Variants in PCSK4 observed in about 807,000 individuals in gnomAD.
PCSK4 encodes the protein proprotein convertase subtilisin/kexin type 4.
In PCSK4, 64 loss-of-function variants were observed where a neutral mutation model predicts 80.3. That is an observed-to-expected ratio of 0.80 (90% CI 0.65 to 0.98). PCSK4 has a LOEUF of 0.98. PCSK4 is among the 50% of genes least tolerant of loss of function. The pLI is 0.00. For missense variants in PCSK4, 1,213 were observed against 1,093.6 expected (o/e 1.11, Z -1.54); for synonymous variants, 561 against 487.6 (o/e 1.15, Z -1.98).
At chr19:1,483,854 G>T in exon 10 of PCSK4, 1 of 1,495,088 alleles carries the variant, frequency 6.7e-7, no homozygotes, top group Non-Finnish European at 8.8e-7. Flanking sequence ...GCCCCACGCC[G>T]TTGGTCCTCC....
chr19:1,484,063 A>C, exon 9 of PCSK4: 2 of 1,562,914 alleles, frequency 1.3e-6, no homozygotes, highest in Middle Eastern at 3.5e-4. Context: ...GCCGGCCGCC[A>C]GTGGGGCTGA....
chr19:1,485,512 C>G (rs2084555677), intron 8 of PCSK4, among the ~76,000 whole-genome samples: 1 of 152,110 alleles, frequency 6.6e-6, no homozygotes, highest in South Asian at 2.1e-4. Flanking sequence ...TTGCAGTGAG[C>G]TGAGATCATG....
chr19:1,482,794 G>A (rs1220978816), intron 13 of PCSK4, 102 bp downstream of exon 13: 16 of 1,294,174 alleles, frequency 1.2e-5, no homozygotes, highest in Non-Finnish European at 1.5e-5. Context: ...GAAGGCCACT[G>A]GGAACCCCTT....
intron 3 of PCSK4, 40 bp from the exon 4 acceptor site, chr19:1,488,132 G>A: frequency 6.2e-7 from 1 of 1,613,084 alleles, no homozygotes; most frequent in Middle Eastern, 1.7e-4. Context: ...TGAGGGCCTG[G>A]AGTTGAGGGC....
chr19:1,481,857 G>C (rs1336689679), exon 15 of PCSK4: 1 of 1,582,538 alleles, frequency 6.3e-7, no homozygotes, highest in Non-Finnish European at 8.6e-7. Context: ...ATGCCGCAGA[G>C]GACGGGGCCT....
At chr19:1,490,199 C>G in exon 1 of PCSK4, 4 of 1,613,522 alleles carry the variant, frequency 2.5e-6, no homozygotes, top group Non-Finnish European at 3.4e-6. Context: ...GCCAGGCGCT[C>G]GACCTCCCGG....
At chr19:1,483,386 T>A in exon 12 of PCSK4, 1 of 1,606,312 alleles carries the variant, frequency 6.2e-7, no homozygotes, top group South Asian at 1.1e-5. Flanking sequence ...CTGCACGTGC[T>A]CCAGCGAGCG....
At chr19:1,490,433 C>A (rs912279949), upstream of PCSK4, 4 of 571,860 alleles carry the variant, frequency 7.0e-6, no homozygotes, top group African/African-American at 4.0e-5. Flanking sequence ...CCGCCCCCGG[C>A]GCCATAGCAA....
chr19:1,487,948 C>A lies in PCSK4; in HGVS notation c.516+16G>T. The stretch of plus-strand genomic sequence containing the variant: ...CACCTGGGGCAGCCCTCGCCCACAG[C>A]CACCCGCGGTCTCACGTAGTTGGCC... On this transcript the variant is annotated intron_variant, in intron 4 of 14. Transcript: ENST00000300954. The A allele has an allele frequency of 6.2e-7, 1 of 1,600,336 alleles. No homozygotes were observed. The highest frequency in any genetic ancestry group is 8.5e-7 in the Non-Finnish European group (1 of 1,170,606).
In PCSK4 at chr19:1,483,373, C is replaced by T. The variant is rs1393357058; in HGVS notation, c.1482G>A (p.Ala494=). Residue 494 remains alanine (A), a synonymous_variant, in exon 12 of 15, where the codon GCG becomes GCA. Coordinates refer to ENST00000300954, the Ensembl canonical transcript of PCSK4. Reference sequence around the variant, plus strand: ...GCCGGCTGTAGGACAGCGTCAGCTGCGCCTGCACGTGCTCCAGCGAGCGGA... The same window carrying T: ...GCCGGCTGTAGGACAGCGTCAGCTGTGCCTGCACGTGCTCCAGCGAGCGGA... 3 of 1,607,842 alleles carry T rather than the reference C, an allele frequency of 1.9e-6. No individual in the cohort carries two copies. The African/African-American group carries it at 4.0e-5, about 21-fold the overall frequency.
At chr19:1,490,298 C>T in exon 1 of PCSK4, 1 of 1,563,108 alleles carries the variant, frequency 6.4e-7, no homozygotes, top group Non-Finnish European at 8.7e-7. Context: ...CGGACAAGGG[C>T]CAGGGCCAAG....
At chr19:1,487,383 C>G in intron 6 of PCSK4, 70 bp from the exon 7 acceptor site, 1 of 1,230,960 alleles carries the variant, frequency 8.1e-7, no homozygotes, top group South Asian at 1.4e-5. Context: ...CCGCCCCGCG[C>G]CACTCCACAC....
chr19:1,484,773 G>A (rs894170239), intron 8 of PCSK4, among the ~76,000 whole-genome samples: 14 of 147,068 alleles, frequency 9.5e-5, no homozygotes, highest in African/African-American at 3.3e-4. Flanking sequence ...AGATCACACC[G>A]TTGCACTCCA....
At chr19:1,489,939 C>A (rs1347943377) in intron 1 of PCSK4, 42 bp from the exon 2 acceptor site, 2 of 1,567,032 alleles carry the variant, frequency 1.3e-6, no homozygotes, top group East Asian at 4.8e-5. Context: ...GGACCCGGCT[C>A]CCCTGCTGAA....
intron 5 of PCSK4, 22 bp from the exon 6 acceptor site, chr19:1,487,713 G>A (rs1392686916): frequency 6.4e-7 from 1 of 1,551,386 alleles, no homozygotes; most frequent in Non-Finnish European, 8.7e-7. Context: ...GCCAAGAGGG[G>A]CTCCTGTCAC....
chr19:1,488,683 C>T (rs897811823), intron 2 of PCSK4, among the ~76,000 whole-genome samples: 1 of 151,838 alleles, frequency 6.6e-6, no homozygotes, highest in Non-Finnish European at 1.5e-5. Flanking sequence ...TGGGTTCAAG[C>T]GATTCTCCTA....
At chr19:1,489,864 G>C in exon 2 of PCSK4, 1 of 1,610,312 alleles carries the variant, frequency 6.2e-7, no homozygotes, top group Non-Finnish European at 8.5e-7. Context: ...ACGCCCCGGT[G>C]CCGCAGGTGA....
intron 5 of PCSK4, 45 bp from the exon 6 acceptor site, chr19:1,487,736 C>T: frequency 1.3e-6 from 2 of 1,548,438 alleles, no homozygotes; most frequent in Non-Finnish European, 1.7e-6. Context: ...CCTCCATCCC[C>T]CTGCCGGGTA....
At chr19:1,490,452 G>A, upstream of PCSK4, 1 of 549,744 alleles carries the variant, frequency 1.8e-6, no homozygotes, top group Non-Finnish European at 3.2e-6. Flanking sequence ...AACGCAGAAG[G>A]CTTCGACTCC....
Sources: gnomAD v4.1 joint callset for allele counts (sites outside exome capture counted in the v4.1 genomes callset) on GRCh38, gnomAD v4.1.1 for gene constraint, MANE v1.5 for transcripts, NCBI Gene and HGNC (gene_info 2026-07-23, HGNC 2026-07-21) for gene names.